The following CDH12 variants were observed in gnomAD, a reference collection of about 807,000 sequenced individuals.
CDH12 encodes cadherin-12.
A neutral mutation model predicts 74.1 loss-of-function variants in CDH12; 41 were observed. That is an observed-to-expected ratio of 0.55 (90% CI 0.43 to 0.72). The LOEUF is 0.72. Ranked by LOEUF, CDH12 falls within the 30% of genes least tolerant of loss-of-function variation. The probability of loss-of-function intolerance (pLI) is 0.00; values close to 1 mark genes in which losing one functional copy is unlikely to be tolerated. For synonymous variants in CDH12, 399 were observed against 355.0 expected (o/e 1.12, Z -1.39); for missense variants, 945 against 977.2 (o/e 0.97, Z 0.44).
rs191615511 is a variant in CDH12 at position 22,696,540 on chromosome 5, C to A, written c.-523+156518G>T. On this transcript the variant is annotated intron_variant, in intron 1 of 14. Coordinates refer to ENST00000382254, the MANE Select transcript of CDH12 (RefSeq NM_004061.5). ...TTAGTATTAATACATGTTTTTAATA[C>A]ACTTTTAAAAAGACTAATATATATT... is the stretch of plus-strand genomic sequence containing the variant. Among the ~76,000 whole-genome samples the A allele has an allele frequency of 2.2e-3, 336 of 152,134 alleles. 1 individual carries two copies. The highest frequency in any genetic ancestry group is 7.4e-3 in the African/African-American group (309 of 41,520).
At chr5:21,811,726 A>G (rs868068690) in intron 9 of CDH12, among the ~76,000 whole-genome samples, 57 of 48,934 alleles carry the variant, frequency 1.2e-3, no homozygotes, top group African/African-American at 2.3e-3. Flanking sequence ...TTTTTTTTAC[A>G]GTTTTCTCAG....
rs1561129108 is a variant in CDH12, at chr5:22,117,493, AT to A, written c.-186-38632del. On this transcript the variant is annotated intron_variant, in intron 4 of 14. Transcript: ENST00000382254. ...AATATATATATTATATATATATTAT[AT>A]ATATATAATATATATATAATATATA... is the stretch of plus-strand genomic sequence containing the variant. 6.1e-4 allele frequency among the ~76,000 whole-genome samples: 45 copies of A among 73,272 alleles called. 1 individual carries two copies. Among genetic ancestry groups the A allele is most frequent in the African/African-American group, 1.4e-3 (23 of 16,006 alleles). 48.1% of individuals were successfully genotyped at this position (73,272 alleles called of 152,430 possible). A position where few individuals can be genotyped will look rare whatever the true frequency, so the allele number is the denominator to read the frequency against.
At chr5:22,445,832 G>C (rs190838985) in intron 2 of CDH12, among the ~76,000 whole-genome samples, 3 of 152,076 alleles carry the variant, frequency 2.0e-5, no homozygotes, top group Non-Finnish European at 4.4e-5. Flanking sequence ...TGCATCCTCT[G>C]TTCTCACATC....
In CDH12 at chr5:21,864,129, A is replaced by ATGCG. The variant is rs1554038665; in HGVS notation, c.527-9340_527-9339insCGCA. On this transcript the variant is annotated intron_variant, in intron 6 of 14. Coordinates refer to ENST00000382254, the MANE Select transcript of CDH12 (RefSeq NM_004061.5). The stretch of plus-strand genomic sequence containing the variant: ...CAGAGAAATGTAAAACAGAAAGAAT[A>ATGCG]TGTGTGTGTGTGTGTGTGTGTGCAT... Among the ~76,000 whole-genome samples the ATGCG allele has an allele frequency of 2.7e-5, 4 of 149,796 alleles. No individual in the cohort carries two copies. In the East Asian group the frequency reaches 7.9e-4, roughly 29 times the overall value.
At chr5:22,057,120 AT>A in intron 5 of CDH12, among the ~76,000 whole-genome samples, 1 of 152,316 alleles carries the variant, frequency 6.6e-6, no homozygotes, top group Non-Finnish European at 1.5e-5. Context: ...TTTAGGTGTT[AT>A]GAGTCTTACA....
chr5:22,507,414 TAGTC>T (rs1736433542), intron 1 of CDH12, among the ~76,000 whole-genome samples: 1 of 150,726 alleles, frequency 6.6e-6, no homozygotes, highest in African/African-American at 2.5e-5. Flanking sequence ...AGCTAAATAG[TAGTC>T]AGAATATATA....
chr5:22,288,012 G>T (rs1737231227), intron 3 of CDH12, among the ~76,000 whole-genome samples: 1 of 152,018 alleles, frequency 6.6e-6, no homozygotes, highest in African/African-American at 2.4e-5. Context: ...AATCCTGAAT[G>T]GTGCACAGAG....
At chr5:22,739,681 C>G (rs941093791) in intron 1 of CDH12, among the ~76,000 whole-genome samples, 1 of 152,054 alleles carries the variant, frequency 6.6e-6, no homozygotes, top group Non-Finnish European at 1.5e-5. Context: ...TTATGCATAA[C>G]TGAAACTTTG....
At chr5:22,229,919 C>A in intron 3 of CDH12, among the ~76,000 whole-genome samples, 1 of 151,882 alleles carries the variant, frequency 6.6e-6, no homozygotes, top group East Asian at 1.9e-4. Context: ...TAATAAAGTA[C>A]TTGTTACTTT....
intron 1 of CDH12, among the ~76,000 whole-genome samples, chr5:22,515,730 C>A (rs1434888326): frequency 6.6e-6 from 1 of 151,932 alleles, no homozygotes; most frequent in African/African-American, 2.4e-5. Flanking sequence ...ATATCCCTAC[C>A]TCACTCTACA....
intron 1 of CDH12, among the ~76,000 whole-genome samples, chr5:22,822,965 A>C (rs1472982281): frequency 1.3e-5 from 2 of 152,166 alleles, no homozygotes; most frequent in African/African-American, 4.8e-5. Flanking sequence ...TCACAATAGC[A>C]AAGACTTGGA....
intron 3 of CDH12, among the ~76,000 whole-genome samples, chr5:22,391,764 G>T (rs1026736721): frequency 6.6e-6 from 1 of 151,334 alleles, no homozygotes; most frequent in African/African-American, 2.4e-5. Flanking sequence ...TCAATATCAT[G>T]GTCAATATAA....
intron 2 of CDH12, among the ~76,000 whole-genome samples, chr5:22,425,500 T>A (rs1743890197): frequency 1.3e-5 from 2 of 151,922 alleles, no homozygotes; most frequent in South Asian, 4.1e-4. Context: ...AACTATTTTG[T>A]ATTCAAACAT....
chr5:22,299,449 A>G (rs1415474698), intron 3 of CDH12, among the ~76,000 whole-genome samples: 1 of 152,212 alleles, frequency 6.6e-6, no homozygotes, highest in Non-Finnish European at 1.5e-5. Flanking sequence ...AAATTATAAA[A>G]TTATACTGCA....
chr5:22,302,368 G>T (rs1346478039), intron 3 of CDH12, among the ~76,000 whole-genome samples: 3 of 152,134 alleles, frequency 2.0e-5, no homozygotes, highest in African/African-American at 7.2e-5. Flanking sequence ...ATATATAAGT[G>T]TGATAAAATT....
At chr5:22,395,286 G>A (rs1337882689) in intron 3 of CDH12, among the ~76,000 whole-genome samples, 1 of 152,080 alleles carries the variant, frequency 6.6e-6, no homozygotes, top group Non-Finnish European at 1.5e-5. Flanking sequence ...GTAATCCAAG[G>A]AAGCCAAGGG....
At chr5:22,543,361 A>C (rs2126722182) in intron 1 of CDH12, among the ~76,000 whole-genome samples, 1 of 152,286 alleles carries the variant, frequency 6.6e-6, no homozygotes, top group South Asian at 2.1e-4. Context: ...CTGTAATAGG[A>C]ACATTTTCCC....
At chr5:22,182,162 T>C (rs912981894) in intron 4 of CDH12, among the ~76,000 whole-genome samples, 12 of 152,232 alleles carry the variant, frequency 7.9e-5, no homozygotes, top group Admixed American at 5.2e-4. Context: ...TGTTCAAATA[T>C]ACTGATCTTT....
intron 3 of CDH12, among the ~76,000 whole-genome samples, chr5:22,378,137 A>C (rs954317766): frequency 6.6e-6 from 1 of 152,136 alleles, no homozygotes; most frequent in Non-Finnish European, 1.5e-5. Flanking sequence ...AACATACCAG[A>C]ATGGACTTAT....
Sources: gnomAD v4.1 joint callset for allele counts (sites outside exome capture counted in the v4.1 genomes callset) on GRCh38, gnomAD v4.1.1 for gene constraint, MANE v1.5 for transcripts, NCBI Gene and HGNC (gene_info 2026-07-23, HGNC 2026-07-21) for gene names.